VMP1: variants seen among roughly 807,000 people sequenced by gnomAD.
The protein encoded by VMP1 is vacuole membrane protein 1.
VMP1 carries 11 observed loss-of-function variants against 56.0 expected under a neutral mutation model. The observed-to-expected ratio is 0.20, with a 90% CI of 0.12 to 0.32. VMP1 has a LOEUF of 0.32. Ranked by LOEUF, VMP1 falls within the 10% of genes least tolerant of loss-of-function variation. The probability of loss-of-function intolerance (pLI) is 1.00; values close to 1 mark genes in which losing one functional copy is unlikely to be tolerated. For synonymous variants in VMP1, 149 were observed against 165.0 expected (o/e 0.90, Z 0.74); for missense variants, 296 against 490.3 (o/e 0.60, Z 3.74).
intron 5 of VMP1, among the ~76,000 whole-genome samples, chr17:59,744,869 G>C (rs951173959): frequency 1.3e-5 from 2 of 151,692 alleles, no homozygotes; most frequent in African/African-American, 4.8e-5. Flanking sequence ...GAATGAAGAA[G>C]AAAGAGCATT....
intron 6 of VMP1, among the ~76,000 whole-genome samples, chr17:59,771,317 C>T (rs1333047305): frequency 6.6e-6 from 1 of 151,958 alleles, no homozygotes; most frequent in Non-Finnish European, 1.5e-5. Context: ...GGACTAAAGG[C>T]ACAAGCTACC....
At chr17:59,738,697 G>T in intron 4 of VMP1, 140 bp from the exon 5 acceptor site, 1 of 570,770 alleles carries the variant, frequency 1.8e-6, no homozygotes, top group Non-Finnish European at 3.0e-6. Context: ...AAGAAATTAG[G>T]CCTCTTCAAT....
intron 8 of VMP1, 53 bp from the exon 9 acceptor site, chr17:59,811,617 A>C (rs543502339): frequency 7.2e-7 from 1 of 1,380,946 alleles, no homozygotes; most frequent in Admixed American, 1.8e-5. Context: ...GGGTGATAAA[A>C]TTAAATTGTT....
chr17:59,789,017 GCCA>G (rs2037115430), intron 7 of VMP1, among the ~76,000 whole-genome samples: 1 of 150,286 alleles, frequency 6.7e-6, no homozygotes, highest in Non-Finnish European at 1.5e-5. Flanking sequence ...TGGGCCGGGC[GCCA>G]TGGCTCATGC....
At position 59,719,625 on chromosome 17, in the gene VMP1, A is replaced by C. The variant is rs528105475; in HGVS notation, c.-26-11796A>C. Among the ~76,000 whole-genome samples the C allele has an allele frequency of 1.2e-4, 18 of 152,244 alleles. No individual in the cohort carries two copies. The South Asian group carries it at 3.5e-3, about 30-fold the overall frequency. On this transcript the variant is annotated intron_variant, in intron 1 of 11. Coordinates refer to ENST00000262291, the MANE Select transcript of VMP1 (RefSeq NM_030938.5). ...TGTTCCAATAACTCTTATGTTACTC[A>C]GGGAGATGCTTTTATCATGTTATCC...
intron 1 of VMP1, among the ~76,000 whole-genome samples, chr17:59,710,610 T>C (rs1214969121): frequency 1.3e-5 from 2 of 152,230 alleles, no homozygotes; most frequent in Admixed American, 1.3e-4. Context: ...TGTGCTTGGC[T>C]AGATTTGAAG....
At chr17:59,744,336 C>T (rs539494780) in intron 5 of VMP1, among the ~76,000 whole-genome samples, 28 of 151,394 alleles carry the variant, frequency 1.8e-4, no homozygotes, top group African/African-American at 6.3e-4. Context: ...TTGACAGGCA[C>T]CTGTAATCCC....
intron 8 of VMP1, among the ~76,000 whole-genome samples, chr17:59,811,061 T>C (rs746193575): frequency 2.0e-5 from 3 of 152,200 alleles, no homozygotes; most frequent in Non-Finnish European, 4.4e-5. Context: ...TCTTTATAAA[T>C]TGTGTCACAT....
rs527620354 is a variant in VMP1, at chr17:59,794,342, C to T, written c.715-14454C>T. Among the ~76,000 whole-genome samples, 26 of 148,572 alleles carry T rather than the reference C, an allele frequency of 1.7e-4. No individual in the cohort carries two copies. The South Asian group carries it at 5.4e-3, about 31-fold the overall frequency. On this transcript the variant is annotated intron_variant, in intron 7 of 11. Coordinates refer to ENST00000262291, the MANE Select transcript of VMP1 (RefSeq NM_030938.5). ...GGTTCAAGCAGTTCTGCCTTAGCCT[C>T]GTGAGTAGCTGGGATTACAAGCGCA... is the stretch of plus-strand genomic sequence containing the variant.
intron 7 of VMP1, among the ~76,000 whole-genome samples, chr17:59,787,916 C>A (rs2144103208): frequency 6.6e-6 from 1 of 151,948 alleles, no homozygotes; most frequent in Admixed American, 6.5e-5. Context: ...ACTTTTGTAA[C>A]AAAATAAGAA....
At chr17:59,824,239 A>G (rs1162142223) in intron 10 of VMP1, among the ~76,000 whole-genome samples, 1 of 148,800 alleles carries the variant, frequency 6.7e-6, no homozygotes, top group Non-Finnish European at 1.5e-5. Context: ...CGACACAGCG[A>G]GACTCTGTCT....
At chr17:59,795,809 T>G (rs1226267241) in intron 7 of VMP1, among the ~76,000 whole-genome samples, 1 of 152,160 alleles carries the variant, frequency 6.6e-6, no homozygotes, top group African/African-American at 2.4e-5. Context: ...GGGTATCAGG[T>G]GTTTTTTGTC....
chr17:59,823,872 C>T (rs1347245270), intron 10 of VMP1, among the ~76,000 whole-genome samples: 1 of 152,060 alleles, frequency 6.6e-6, no homozygotes, highest in Non-Finnish European at 1.5e-5. Context: ...GATAACTTGT[C>T]ATGGTAGAGA....
Position 59,841,361 on chromosome 17 carries a change from T to A in VMP1, c.*1450T>A, listed in dbSNP as rs199635526. 2.4e-4 allele frequency: 120 copies of A among 498,030 alleles called. No homozygotes were observed. Among genetic ancestry groups the A allele is most frequent in the Admixed American group, 4.5e-4 (23 of 51,130 alleles). The allele number at this position is 498,030 out of a possible 1,614,324, so 30.9% of individuals were successfully genotyped here. A position where few individuals can be genotyped will look rare whatever the true frequency, so the allele number is the denominator to read the frequency against. On this transcript the variant is annotated 3_prime_UTR_variant, in exon 12 of 12. Coordinates refer to ENST00000262291, the MANE Select transcript of VMP1 (RefSeq NM_030938.5). ...CATTTTGGTATCTTTCATCTGACCA[T>A]CCATATCCAATGTTCTCATTTAAAC...
At chr17:59,754,249 C>T (rs1568083141) in intron 5 of VMP1, among the ~76,000 whole-genome samples, 2 of 152,094 alleles carry the variant, frequency 1.3e-5, no homozygotes, top group Non-Finnish European at 2.9e-5. Flanking sequence ...ATATTTATGA[C>T]CTCCTCTGTA....
intron 5 of VMP1, among the ~76,000 whole-genome samples, chr17:59,755,573 C>G (rs2035809298): frequency 6.6e-6 from 1 of 152,076 alleles, no homozygotes; most frequent in South Asian, 2.1e-4. Flanking sequence ...TATTTCTACC[C>G]TGTGACCTAG....
intron 1 of VMP1, among the ~76,000 whole-genome samples, chr17:59,726,601 CATAGTTTT>C (rs1343558340): frequency 6.6e-6 from 1 of 152,040 alleles, no homozygotes; most frequent in Non-Finnish European, 1.5e-5. Context: ...GCCAAACCCA[CATAGTTTT>C]AAGTATTTGC....
At chr17:59,766,501 TCAA>T (rs2036236708) in intron 6 of VMP1, among the ~76,000 whole-genome samples, 1 of 152,104 alleles carries the variant, frequency 6.6e-6, no homozygotes, top group African/African-American at 2.4e-5. Flanking sequence ...AGACTACATC[TCAA>T]CAACAACAAG....
At chr17:59,754,188 A>T (rs1226376029) in intron 5 of VMP1, among the ~76,000 whole-genome samples, 1 of 152,150 alleles carries the variant, frequency 6.6e-6, no homozygotes, top group African/African-American at 2.4e-5. Context: ...ACTAAAAAGA[A>T]AACAAAAAAA....
Sources: gnomAD v4.1 joint callset for allele counts (sites outside exome capture counted in the v4.1 genomes callset) on GRCh38, gnomAD v4.1.1 for gene constraint, MANE v1.5 for transcripts, NCBI Gene and HGNC (gene_info 2026-07-23, HGNC 2026-07-21) for gene names.